The following FAXC variants were observed in gnomAD, a reference collection of about 807,000 sequenced individuals.
The protein encoded by FAXC is failed axon connections homolog.
Under a neutral mutation model 41.9 loss-of-function variants are expected in FAXC, and 10 were observed. The ratio of observed to expected loss-of-function variants is 0.24; its 90% CI spans 0.15 to 0.41. The LOEUF is 0.41. Ranked by LOEUF, FAXC falls within the 10% of genes least tolerant of loss-of-function variation. The probability of loss-of-function intolerance (pLI) is 1.00; values close to 1 mark genes in which losing one functional copy is unlikely to be tolerated. For synonymous variants in FAXC, 183 were observed against 183.8 expected (o/e 1.00, Z 0.03); for missense variants, 399 against 510.9 (o/e 0.78, Z 2.11).
chr6:99,293,286 C>A (rs969032600), intron 4 of FAXC, among the ~76,000 whole-genome samples: 1 of 152,196 alleles, frequency 6.6e-6, no homozygotes, highest in Admixed American at 6.5e-5. Flanking sequence ...GGGGACCACC[C>A]CCATTCCCCA....
chr6:99,289,972 G>A (rs2128449179), intron 5 of FAXC, among the ~76,000 whole-genome samples: 1 of 152,092 alleles, frequency 6.6e-6, no homozygotes, highest in Admixed American at 6.6e-5. Context: ...GACAGCCCAG[G>A]AAGAGATCAA....
intron 5 of FAXC, 48 bp from the exon 6 acceptor site, chr6:99,281,501 C>T (rs377181158): frequency 1.4e-6 from 2 of 1,408,136 alleles, no homozygotes; most frequent in African/African-American, 2.8e-5. Context: ...AGGCAGCAGT[C>T]TACCACTTCT....
At position 99,281,069 on chromosome 6, in the gene FAXC, A is replaced by C; in HGVS notation, c.*95T>G. ...CATGTGAAAACTCTGCCAAGCACGA[A>C]GATCTCCTCCCAGCTCGGATGGATT... On this transcript the variant is annotated 3_prime_UTR_variant, in exon 6 of 6. Transcript: ENST00000389677. 2.8e-6 allele frequency: 2 copies of C among 713,260 alleles called. No homozygotes were observed. The highest frequency in any genetic ancestry group is 5.1e-6 in the Non-Finnish European group (2 of 389,388). The allele number at this position is 713,260 out of a possible 1,614,324, so 44.2% of individuals were successfully genotyped here.
intron 4 of FAXC, among the ~76,000 whole-genome samples, chr6:99,300,531 C>T (rs575350864): frequency 2.6e-5 from 4 of 152,360 alleles, no homozygotes; most frequent in Non-Finnish European, 5.9e-5. Context: ...CTTCTTGAAG[C>T]TGCTACAATA....
intron 4 of FAXC, among the ~76,000 whole-genome samples, chr6:99,304,617 T>C (rs1347054612): frequency 6.6e-6 from 1 of 152,250 alleles, no homozygotes; most frequent in Non-Finnish European, 1.5e-5. Flanking sequence ...CCCTGTCTTA[T>C]ATGTATTATA....
intron 4 of FAXC, among the ~76,000 whole-genome samples, chr6:99,298,408 C>T (rs1488386738): frequency 6.6e-6 from 1 of 152,026 alleles, no homozygotes. Flanking sequence ...AGTCCCTGAT[C>T]CCAGGAGTTT....
intron 1 of FAXC, 55 bp downstream of exon 1, chr6:99,349,052 C>A: frequency 6.4e-7 from 1 of 1,568,326 alleles, no homozygotes; most frequent in Non-Finnish European, 8.7e-7. Context: ...GCCAGCCCTG[C>A]CCTAGCCAGG....
intron 1 of FAXC, among the ~76,000 whole-genome samples, chr6:99,346,689 C>T (rs1308494973): frequency 6.6e-6 from 1 of 152,082 alleles, no homozygotes; most frequent in African/African-American, 2.4e-5. Context: ...CGTAAGCTGC[C>T]GCGCGCCGGG....
chr6:99,289,928 C>A (rs985439490), intron 5 of FAXC, among the ~76,000 whole-genome samples: 1 of 151,786 alleles, frequency 6.6e-6, no homozygotes, highest in Non-Finnish European at 1.5e-5. Context: ...TGCCACCACT[C>A]GGCACCAGAA....
At chr6:99,348,973 G>A in intron 1 of FAXC, 134 bp downstream of exon 1, 1 of 813,244 alleles carries the variant, frequency 1.2e-6, no homozygotes, top group Non-Finnish European at 2.0e-6. Flanking sequence ...TGCCTTTAGG[G>A]AAAGGTAATT....
chr6:99,341,860 A>G (rs1773439828), intron 2 of FAXC, among the ~76,000 whole-genome samples: 1 of 151,616 alleles, frequency 6.6e-6, no homozygotes, highest in African/African-American at 2.4e-5. Context: ...CAAGGAATCA[A>G]TATCACAGAG....
At chr6:99,348,974 A>C in intron 1 of FAXC, 133 bp downstream of exon 1, 1 of 813,890 alleles carries the variant, frequency 1.2e-6, no homozygotes, top group Non-Finnish European at 2.0e-6. Flanking sequence ...GCCTTTAGGG[A>C]AAGGTAATTG....
chr6:99,281,109 T>C lies in FAXC; in HGVS notation c.*55A>G. ...TCGGATGGATTGCTACCTGGGAAAATGGACCGACCCAGGGAGTGGCAGGTC... is the reference window on the plus strand; with the variant it reads ...TCGGATGGATTGCTACCTGGGAAAACGGACCGACCCAGGGAGTGGCAGGTC... On this transcript the variant is annotated 3_prime_UTR_variant, in exon 6 of 6. Coordinates refer to ENST00000389677, the MANE Select transcript of FAXC (RefSeq NM_032511.4). The C allele has an allele frequency of 2.4e-6, 2 of 848,898 alleles. No individual in the cohort carries two copies. The highest frequency in any genetic ancestry group is 4.1e-6 in the Non-Finnish European group (2 of 493,620). 52.6% of individuals were successfully genotyped at this position (848,898 alleles called of 1,614,324 possible).
At chr6:99,342,812 G>A in intron 2 of FAXC, 86 bp downstream of exon 2, 1 of 1,344,258 alleles carries the variant, frequency 7.4e-7, no homozygotes, top group Non-Finnish European at 1.0e-6. Flanking sequence ...CATCCACTGT[G>A]TGAGACGAAA....
At chr6:99,316,253 CT>C (rs1261311807) in intron 4 of FAXC, among the ~76,000 whole-genome samples, 1 of 151,072 alleles carries the variant, frequency 6.6e-6, no homozygotes, top group Non-Finnish European at 1.5e-5. Flanking sequence ...AAAATGCAAT[CT>C]TGTGTTGGTG....
chr6:99,306,300 C>G (rs538373062), intron 4 of FAXC, among the ~76,000 whole-genome samples: 15 of 152,106 alleles, frequency 9.9e-5, no homozygotes, highest in Non-Finnish European at 2.2e-4. Flanking sequence ...TCAGGCAGTA[C>G]AGGGCTTTGA....
At chr6:99,316,362 CA>C (rs1159052058) in intron 4 of FAXC, among the ~76,000 whole-genome samples, 1 of 152,188 alleles carries the variant, frequency 6.6e-6, no homozygotes, top group Non-Finnish European at 1.5e-5. Context: ...AGCTCTTCTA[CA>C]TGTGTTAACC....
Position 99,349,155 on chromosome 6 carries a change from G to T in FAXC, c.218C>A (p.Ala73Asp). 6.2e-7 allele frequency: 1 copy of T among 1,613,746 alleles called. No homozygotes were observed. Among genetic ancestry groups the T allele is most frequent in the South Asian group, 1.1e-5 (1 of 91,088 alleles). Residue 73 changes from alanine (A) to aspartate (D), a missense_variant, in exon 1 of 6, where the codon GCT (alanine) becomes GAT (aspartate). Ala to Asp is a moderately radical substitution (Grantham distance 126). Coordinates refer to ENST00000389677, the MANE Select transcript of FAXC (RefSeq NM_032511.4). ...CAGATACGCAGCTGCGGCCAGCAAA[G>T]CTCCCCCGGTCAAGTAAAGGGTTTT... is the stretch of plus-strand genomic sequence containing the variant. ...WKKTLYLTGG[A>D]LLAAAAYLLH...
chr6:99,301,358 T>C (rs1771699258), intron 4 of FAXC, among the ~76,000 whole-genome samples: 1 of 152,220 alleles, frequency 6.6e-6, no homozygotes, highest in African/African-American at 2.4e-5. Flanking sequence ...CTACCGAATG[T>C]GCTTGTCTCT....
Sources: allele counts gnomAD v4.1 joint callset (sites outside exome capture counted in the v4.1 genomes callset), GRCh38; gene constraint gnomAD v4.1.1; transcripts MANE v1.5; gene names NCBI Gene and HGNC (gene_info 2026-07-23, HGNC 2026-07-21).